FXR1: variants seen among roughly 807,000 people sequenced by gnomAD.
The protein encoded by FXR1 is RNA-binding protein FXR1.
FXR1 carries 15 observed loss-of-function variants against 84.0 expected under a neutral mutation model. That is an observed-to-expected ratio of 0.18 (90% CI 0.12 to 0.27). The LOEUF (loss-of-function observed/expected upper bound fraction) is 0.27. FXR1 is among the 10% of genes least tolerant of loss of function. FXR1 has a pLI of 1.00. For missense variants in FXR1, 480 were observed against 774.4 expected (o/e 0.62, Z 4.51); for synonymous variants, 245 against 250.7 (o/e 0.98, Z 0.21).
At chr3:180,914,548 T>C (rs1717650999) in intron 1 of FXR1, 1 of 152,910 alleles carries the variant, frequency 6.5e-6, no homozygotes, top group East Asian at 1.9e-4. Flanking sequence ...GTCAATAGCC[T>C]GCTATGCAAG....
At chr3:180,932,075 C>A (rs374733374) in intron 1 of FXR1, among the ~76,000 whole-genome samples, 373 of 79,134 alleles carry the variant, frequency 4.7e-3, no homozygotes, top group South Asian at 8.1e-3. Context: ...TTGTAAGTTT[C>A]AAAAAAAAAA....
At chr3:180,951,262 T>G in intron 7 of FXR1, 36 bp from the exon 8 acceptor site, 1 of 1,342,396 alleles carries the variant, frequency 7.4e-7, no homozygotes, top group South Asian at 1.2e-5. Context: ...TTTTGTATTT[T>G]GATCTTTTAT....
chr3:180,957,003 A>G (rs1722805749), intron 9 of FXR1, among the ~76,000 whole-genome samples: 1 of 152,202 alleles, frequency 6.6e-6, no homozygotes, highest in South Asian at 2.1e-4. Flanking sequence ...TAAGGGATAC[A>G]TCGGTTCCAT....
intron 10 of FXR1, among the ~76,000 whole-genome samples, chr3:180,958,428 G>C (rs1460401194): frequency 1.3e-5 from 2 of 152,014 alleles, no homozygotes; most frequent in African/African-American, 2.4e-5. Flanking sequence ...GTCCATTATA[G>C]CATTCTTTTG....
intron 3 of FXR1, among the ~76,000 whole-genome samples, chr3:180,935,995 G>T (rs1251486145): frequency 6.6e-6 from 1 of 152,088 alleles, no homozygotes; most frequent in African/African-American, 2.4e-5. Flanking sequence ...AGGTTCAAGC[G>T]ATTCACCTGC....
intron 3 of FXR1, among the ~76,000 whole-genome samples, chr3:180,935,479 C>A (rs1279242627): frequency 6.6e-6 from 1 of 152,152 alleles, no homozygotes; most frequent in Non-Finnish European, 1.5e-5. Context: ...GATGATAGTG[C>A]ATTTGAATTC....
chr3:180,978,982 CAA>C lies in FXR1; in HGVS notation c.*2692_*2693del, dbSNP rs1391513286. 1.3e-5 allele frequency: 2 copies of C among 152,042 alleles called. No homozygotes were observed. Among genetic ancestry groups the C allele is most frequent in the Admixed American group, 1.3e-4 (2 of 15,260 alleles). 9.4% of individuals were successfully genotyped at this position (152,042 alleles called of 1,614,324 possible). ...TTGGCAAAAGTGTAATAGGAATACA[CAA>C]ATCTTTATTTTGAAATAATCTTGTA... On this transcript the variant is annotated 3_prime_UTR_variant, in exon 17 of 17. Coordinates refer to ENST00000357559, the MANE Select transcript of FXR1 (RefSeq NM_005087.4).
At chr3:180,913,472 A>T (rs3026189) in intron 1 of FXR1, among the ~76,000 whole-genome samples, 10,375 of 152,008 alleles carry the variant, frequency 0.068, 1,024 homozygotes, top group African/African-American at 0.22. Flanking sequence ...AGAGGTGACT[A>T]ATTTCTTTAT....
Position 180,935,128 on chromosome 3 carries a change from A to G in FXR1, c.105-10A>G, listed in dbSNP as rs773461183. The G allele has an allele frequency of 2.2e-6, 3 of 1,379,042 alleles. No homozygotes were observed. Among genetic ancestry groups the G allele is most frequent in the Admixed American group, 3.4e-5 (2 of 58,800 alleles). 85.4% of individuals were successfully genotyped at this position (1,379,042 alleles called of 1,614,324 possible). On this transcript the variant is annotated splice_polypyrimidine_tract_variant and intron_variant, in intron 2 of 16. Transcript: ENST00000357559. Reference sequence around the variant, plus strand: ...TTTAAGTTGTTAATACACCTTTTCTAATCCTTCAGTTGGCAACCAGAACGC... The same window carrying G: ...TTTAAGTTGTTAATACACCTTTTCTGATCCTTCAGTTGGCAACCAGAACGC...
chr3:180,934,930 A>C (rs1396475488), intron 2 of FXR1, among the ~76,000 whole-genome samples: 1 of 152,200 alleles, frequency 6.6e-6, no homozygotes, highest in Non-Finnish European at 1.5e-5. Context: ...ACAATTGTTA[A>C]CAATTATGTT....
At chr3:180,932,324 T>C (rs1260902198) in intron 1 of FXR1, among the ~76,000 whole-genome samples, 1 of 152,204 alleles carries the variant, frequency 6.6e-6, no homozygotes, top group Non-Finnish European at 1.5e-5. Flanking sequence ...AAGTATTTCC[T>C]ATGTACACCA....
chr3:180,926,178 A>T (rs1045909266), intron 1 of FXR1, among the ~76,000 whole-genome samples: 1 of 152,168 alleles, frequency 6.6e-6, no homozygotes, highest in African/African-American at 2.4e-5. Context: ...GAAAAATAAA[A>T]TGTTTAAATT....
chr3:180,920,220 A>G (rs1718413803), intron 1 of FXR1, among the ~76,000 whole-genome samples: 1 of 152,098 alleles, frequency 6.6e-6, no homozygotes, highest in African/African-American at 2.4e-5. Context: ...TTCCCTTTTC[A>G]TGTAACCTTT....
intron 10 of FXR1, among the ~76,000 whole-genome samples, chr3:180,958,592 C>T (rs1711644197): frequency 6.6e-6 from 1 of 152,014 alleles, no homozygotes; most frequent in African/African-American, 2.4e-5. Flanking sequence ...AGTAATATTC[C>T]ATGGTATATA....
At chr3:180,939,166 TTA>T (rs1174970196) in intron 3 of FXR1, among the ~76,000 whole-genome samples, 1 of 152,170 alleles carries the variant, frequency 6.6e-6, no homozygotes, top group Non-Finnish European at 1.5e-5. Context: ...AGTGCTGAGA[TTA>T]TAGGCGTGAG....
intron 14 of FXR1, 32 bp from the exon 15 acceptor site, chr3:180,970,126 A>T (rs1205534942): frequency 8.3e-7 from 1 of 1,207,162 alleles, no homozygotes; most frequent in East Asian, 2.3e-5. Flanking sequence ...GTACTCTTAA[A>T]CGAATATTTC....
intron 13 of FXR1, among the ~76,000 whole-genome samples, chr3:180,965,385 GA>G: frequency 6.6e-6 from 1 of 152,286 alleles, no homozygotes; most frequent in African/African-American, 2.4e-5. Context: ...ACAAAATTGA[GA>G]GGCTGGAATA....
chr3:180,924,228 G>C (rs1396561831), intron 1 of FXR1, among the ~76,000 whole-genome samples: 3 of 152,096 alleles, frequency 2.0e-5, no homozygotes, highest in Non-Finnish European at 4.4e-5. Flanking sequence ...GGGATTACAG[G>C]TGTGAGCTGT....
At chr3:180,961,380 T>C (rs563061177) in intron 10 of FXR1, 88 bp from the exon 11 acceptor site, 3 of 391,090 alleles carry the variant, frequency 7.7e-6, no homozygotes, top group African/African-American at 6.3e-5. Context: ...TGTGTGTGTG[T>C]GTGCCTGCCT....
Sources: gnomAD v4.1 joint callset for allele counts (sites outside exome capture counted in the v4.1 genomes callset) on GRCh38, gnomAD v4.1.1 for gene constraint, MANE v1.5 for transcripts, NCBI Gene and HGNC (gene_info 2026-07-23, HGNC 2026-07-21) for gene names.